Variants in CADM2 observed in about 807,000 individuals in gnomAD.
The protein encoded by CADM2 is cell adhesion molecule 2.
Under a neutral mutation model 49.8 loss-of-function variants are expected in CADM2, and 12 were observed. That is an observed-to-expected ratio of 0.24 (90% CI 0.15 to 0.39). The LOEUF is 0.39. CADM2 is among the 10% of genes least tolerant of loss of function. The pLI, the probability that CADM2 is intolerant of heterozygous loss-of-function variation, is 1.00. For missense variants in CADM2, 378 were observed against 492.3 expected (o/e 0.77, Z 2.20); for synonymous variants, 214 against 175.4 (o/e 1.22, Z -1.74).
chr3:85,467,810 G>T lies in CADM2; in HGVS notation c.62-258712G>T, dbSNP rs145792466. ...GTACTCCTCAAAGGCCAACCCTGAT[G>T]TAGAGATATGTGTGAAAGCACAGCA... On this transcript the variant is annotated intron_variant, in intron 1 of 9. Transcript: ENST00000383699. Among the ~76,000 whole-genome samples, 572 of 152,236 alleles carry T rather than the reference G, an allele frequency of 3.8e-3. 5 individuals carry two copies. The highest frequency in any genetic ancestry group is 5.2e-3 in the Non-Finnish European group (356 of 68,000).
intron 7 of CADM2, among the ~76,000 whole-genome samples, chr3:85,945,621 A>C (rs1577734493): frequency 6.6e-6 from 1 of 152,198 alleles, no homozygotes; most frequent in Non-Finnish European, 1.5e-5. Context: ...AGACTGGTTC[A>C]ACATATGAAA....
At chr3:85,329,735 A>G (rs1041876481) in intron 1 of CADM2, among the ~76,000 whole-genome samples, 40 of 151,894 alleles carry the variant, frequency 2.6e-4, no homozygotes, top group African/African-American at 9.0e-4. Flanking sequence ...TTAAACATAT[A>G]TAACATATGT....
rs1553722325 is a variant in CADM2, at chr3:86,009,217, G to GTA, written c.970+47583_970+47584dup. Among the ~76,000 whole-genome samples, 571 of 145,136 alleles carry GTA rather than the reference G, an allele frequency of 3.9e-3. 6 individuals carry two copies. Among genetic ancestry groups the GTA allele is most frequent in the Non-Finnish European group, 6.5e-3 (432 of 66,300 alleles). ...TATGAATATATATGTGTATGTGTGT[G>GTA]TATATATATATATACATATATATAT... On this transcript the variant is annotated intron_variant, in intron 8 of 9. Transcript: ENST00000383699.
At chr3:85,052,602 C>A (rs978411020) in intron 1 of CADM2, among the ~76,000 whole-genome samples, 9 of 152,002 alleles carry the variant, frequency 5.9e-5, no homozygotes, top group Admixed American at 5.9e-4. Context: ...ATGCCATTTT[C>A]TTCAATAAAA....
At chr3:85,167,714 A>G (rs1481464721) in intron 1 of CADM2, among the ~76,000 whole-genome samples, 1 of 152,188 alleles carries the variant, frequency 6.6e-6, no homozygotes, top group East Asian at 1.9e-4. Context: ...TGCGTTCAGT[A>G]CTATTCAATA....
At chr3:85,491,944 T>C (rs1174871413) in intron 1 of CADM2, among the ~76,000 whole-genome samples, 1 of 96,632 alleles carries the variant, frequency 1.0e-5, no homozygotes, top group African/African-American at 3.0e-5. Context: ...AGTGAGACTG[T>C]CTCAAAAAAA....
chr3:85,931,525 A>T (rs1049283434), intron 6 of CADM2, among the ~76,000 whole-genome samples: 3 of 152,228 alleles, frequency 2.0e-5, no homozygotes, highest in African/African-American at 7.2e-5. Context: ...AACACTATGC[A>T]AGACATGGAG....
At chr3:85,131,820 C>G (rs2039237559) in intron 1 of CADM2, among the ~76,000 whole-genome samples, 1 of 151,426 alleles carries the variant, frequency 6.6e-6, no homozygotes, top group African/African-American at 2.4e-5. Flanking sequence ...GTCACATACA[C>G]TACGATACAA....
chr3:86,058,835 TGTAATCCTA>T (rs1476346938), intron 8 of CADM2, among the ~76,000 whole-genome samples: 1 of 152,096 alleles, frequency 6.6e-6, no homozygotes, highest in Non-Finnish European at 1.5e-5. Context: ...GGCTCACACC[TGTAATCCTA>T]GCACTTTGGG....
intron 1 of CADM2, among the ~76,000 whole-genome samples, chr3:85,311,388 T>A (rs2123164): frequency 0.053 from 7,874 of 148,420 alleles, 586 homozygotes; most frequent in African/African-American, 0.17. Context: ...TATTATTATT[T>A]TTTTTGAAAC....
intron 1 of CADM2, among the ~76,000 whole-genome samples, chr3:85,227,239 C>G (rs1450674944): frequency 6.6e-6 from 1 of 151,942 alleles, no homozygotes; most frequent in Non-Finnish European, 1.5e-5. Flanking sequence ...AAATCTCCCA[C>G]TATTATTGTG....
At chr3:85,778,048 G>C (rs1044582826) in intron 2 of CADM2, among the ~76,000 whole-genome samples, 1 of 152,106 alleles carries the variant, frequency 6.6e-6, no homozygotes, top group African/African-American at 2.4e-5. Context: ...AGGCGACCTA[G>C]GATATTCATA....
intron 1 of CADM2, among the ~76,000 whole-genome samples, chr3:85,234,236 C>T (rs2042362161): frequency 1.3e-5 from 2 of 152,056 alleles, no homozygotes; most frequent in Admixed American, 1.3e-4. Flanking sequence ...ACCATTTCAA[C>T]TTATTTTTGT....
intron 1 of CADM2, among the ~76,000 whole-genome samples, chr3:85,466,846 G>A (rs62250715): frequency 0.53 from 80,203 of 151,658 alleles, 23,544 homozygotes; most frequent in East Asian, 0.83. Flanking sequence ...TGGAAAATGT[G>A]AATTCCTTGA....
chr3:85,724,476 A>AT (rs2067616765), intron 1 of CADM2, among the ~76,000 whole-genome samples: 1 of 152,048 alleles, frequency 6.6e-6, no homozygotes, highest in African/African-American at 2.4e-5. Flanking sequence ...TTAGCAAAAA[A>AT]AAAACAGAAT....
chr3:85,448,226 G>C (rs1285796728), intron 1 of CADM2, among the ~76,000 whole-genome samples: 1 of 151,558 alleles, frequency 6.6e-6, no homozygotes, highest in Non-Finnish European at 1.5e-5. Flanking sequence ...CCAACTACTG[G>C]GGAGGCTGAG....
At chr3:85,968,761 G>C (rs936696327) in intron 8 of CADM2, among the ~76,000 whole-genome samples, 1 of 151,588 alleles carries the variant, frequency 6.6e-6, no homozygotes, top group Non-Finnish European at 1.5e-5. Context: ...CCAAGTATAT[G>C]TGTGTTAATT....
intron 1 of CADM2, among the ~76,000 whole-genome samples, chr3:85,552,375 T>G (rs869123992): frequency 0.19 from 5,120 of 27,672 alleles, 328 homozygotes; most frequent in Non-Finnish European, 0.28. Flanking sequence ...AGTTTTTTTT[T>G]TTTTTTTTTT....
chr3:85,126,818 G>A (rs1188286798), intron 1 of CADM2, among the ~76,000 whole-genome samples: 1 of 151,988 alleles, frequency 6.6e-6, no homozygotes, highest in Non-Finnish European at 1.5e-5. Flanking sequence ...TTTCCTGTTT[G>A]TTGTTATTTT....
Sources: gnomAD v4.1 joint callset for allele counts (sites outside exome capture counted in the v4.1 genomes callset) on GRCh38, gnomAD v4.1.1 for gene constraint, MANE v1.5 for transcripts, NCBI Gene and HGNC (gene_info 2026-07-23, HGNC 2026-07-21) for gene names.